The following CLSTN2 variants were observed in gnomAD, a reference collection of about 807,000 sequenced individuals.
CLSTN2 encodes calsyntenin 2.
CLSTN2 carries 48 observed loss-of-function variants against 101.2 expected under a neutral mutation model. The observed-to-expected ratio is 0.47, with a 90% CI of 0.38 to 0.60. The LOEUF (loss-of-function observed/expected upper bound fraction) is 0.60. CLSTN2 is among the 20% of genes least tolerant of loss of function. CLSTN2 has a pLI of 0.00. For synonymous variants in CLSTN2, 481 were observed against 463.6 expected (o/e 1.04, Z -0.48); for missense variants, 1,160 against 1,238.2 (o/e 0.94, Z 0.95).
intron 1 of CLSTN2, among the ~76,000 whole-genome samples, chr3:140,145,578 G>A (rs2009769488): frequency 6.6e-6 from 1 of 152,252 alleles, no homozygotes; most frequent in Admixed American, 6.5e-5. Context: ...GCAGACACTG[G>A]TGTGTGGTGG....
chr3:140,330,751 A>G (rs2087375467), intron 2 of CLSTN2, among the ~76,000 whole-genome samples: 1 of 152,190 alleles, frequency 6.6e-6, no homozygotes, highest in African/African-American at 2.4e-5. Context: ...GATTCTGTGA[A>G]AATAGCTGAG....
chr3:140,420,934 A>C (rs1317835901), intron 4 of CLSTN2, among the ~76,000 whole-genome samples, 191 bp from the exon 5 acceptor site: 2 of 152,224 alleles, frequency 1.3e-5, no homozygotes, highest in African/African-American at 4.8e-5. Flanking sequence ...GTGGGTTCCC[A>C]GGAATTTGCC....
chr3:140,064,108 C>T (rs1019496386), intron 1 of CLSTN2, among the ~76,000 whole-genome samples: 1 of 152,190 alleles, frequency 6.6e-6, no homozygotes, highest in Non-Finnish European at 1.5e-5. Flanking sequence ...GGGGAGCTGC[C>T]TCTCAGTCTG....
intron 10 of CLSTN2, among the ~76,000 whole-genome samples, chr3:140,552,762 GAA>G (rs994827173): frequency 1.3e-5 from 2 of 152,164 alleles, no homozygotes; most frequent in African/African-American, 2.4e-5. Flanking sequence ...TGATGCTGAG[GAA>G]AAGTCAGTAG....
chr3:140,399,583 A>G (rs183257110), intron 2 of CLSTN2, among the ~76,000 whole-genome samples: 61 of 152,338 alleles, frequency 4.0e-4, no homozygotes, highest in African/African-American at 1.5e-3. Flanking sequence ...TAGCTAGCAT[A>G]CAGAATACCA....
At chr3:140,465,018 T>C (rs1395516206) in intron 7 of CLSTN2, among the ~76,000 whole-genome samples, 1 of 152,182 alleles carries the variant, frequency 6.6e-6, no homozygotes, top group East Asian at 1.9e-4. Flanking sequence ...TTATGGAGCA[T>C]TTGTTCTGGG....
At chr3:140,434,891 T>A (rs989064758) in intron 5 of CLSTN2, among the ~76,000 whole-genome samples, 58 of 149,200 alleles carry the variant, frequency 3.9e-4, no homozygotes, top group African/African-American at 1.3e-3. Context: ...TATATTTTTG[T>A]ATCTTTTAAA....
chr3:140,240,289 T>TAC (rs1293760229), intron 2 of CLSTN2, among the ~76,000 whole-genome samples: 10 of 20,642 alleles, frequency 4.8e-4, no homozygotes, highest in South Asian at 4.7e-3. Context: ...TATACATATA[T>TAC]ACACATATAT....
chr3:140,341,135 T>C (rs535700873), intron 2 of CLSTN2, among the ~76,000 whole-genome samples: 1 of 152,370 alleles, frequency 6.6e-6, no homozygotes, highest in East Asian at 1.9e-4. Context: ...TTCCTTTTTA[T>C]TGCTGCATAT....
Position 140,187,348 on chromosome 3 carries a change from T to G in CLSTN2, c.232+11275T>G, listed in dbSNP as rs1029453789. Among the ~76,000 whole-genome samples the G allele has an allele frequency of 6.6e-5, 10 of 152,114 alleles. 1 individual carries two copies. Among genetic ancestry groups the G allele is most frequent in the African/African-American group, 9.7e-5 (4 of 41,420 alleles). ...CTCTGGATGCTTGTTACTATAATGCTGTCCTCACCAGCCCACCCTGATCCT... is the reference window on the plus strand; with the variant it reads ...CTCTGGATGCTTGTTACTATAATGCGGTCCTCACCAGCCCACCCTGATCCT... On this transcript the variant is annotated intron_variant, in intron 2 of 16. Coordinates refer to ENST00000458420, the MANE Select transcript of CLSTN2 (RefSeq NM_022131.3).
intron 2 of CLSTN2, among the ~76,000 whole-genome samples, chr3:140,338,459 G>C (rs577937781): frequency 1.3e-5 from 2 of 152,184 alleles, no homozygotes; most frequent in Non-Finnish European, 2.9e-5. Flanking sequence ...TCTACAGCCA[G>C]TGTTTTTAGC....
intron 2 of CLSTN2, among the ~76,000 whole-genome samples, chr3:140,276,492 A>G (rs1189016277): frequency 1.3e-5 from 2 of 152,150 alleles, no homozygotes; most frequent in African/African-American, 4.8e-5. Flanking sequence ...CTTTCTCTTG[A>G]GACTAGGAAT....
intron 9 of CLSTN2, among the ~76,000 whole-genome samples, chr3:140,543,537 T>C (rs1935527864): frequency 6.6e-6 from 1 of 152,216 alleles, no homozygotes; most frequent in African/African-American, 2.4e-5. Flanking sequence ...ACCATAAAGA[T>C]GGATGAGTGG....
At chr3:140,165,860 T>A (rs1213434833) in intron 1 of CLSTN2, among the ~76,000 whole-genome samples, 2 of 152,152 alleles carry the variant, frequency 1.3e-5, no homozygotes, top group Non-Finnish European at 2.9e-5. Flanking sequence ...ACTAGCACAA[T>A]TTTTCTTTTA....
In CLSTN2 at chr3:140,404,588, C is replaced by A; in HGVS notation, c.459C>A (p.Val153=). The change falls in exon 4 of 17, where the codon GTC becomes GTA. Residue 153 remains valine (V), a synonymous_variant. Transcript: ENST00000458420. ...TGGTCCATATACAGGTGAAGGATGTCAACGAGTTTGCTCCCACCTTCAAAG... is the reference window on the plus strand; with the variant it reads ...TGGTCCATATACAGGTGAAGGATGTAAACGAGTTTGCTCCCACCTTCAAAG... ...KAVVHIQVKD[V]NEFAPTFKEP... 6.2e-7 allele frequency: 1 copy of A among 1,614,164 alleles called. No homozygotes were observed. Among genetic ancestry groups the A allele is most frequent in the South Asian group, 1.1e-5 (1 of 91,070 alleles).
At chr3:140,396,226 T>A (rs986842868) in intron 2 of CLSTN2, among the ~76,000 whole-genome samples, 1 of 152,150 alleles carries the variant, frequency 6.6e-6, no homozygotes, top group African/African-American at 2.4e-5. Flanking sequence ...GTGGGAGCAG[T>A]GCTGGCCCTC....
At chr3:140,162,264 G>T (rs528110531) in intron 1 of CLSTN2, among the ~76,000 whole-genome samples, 57 of 152,274 alleles carry the variant, frequency 3.7e-4, no homozygotes, top group African/African-American at 1.3e-3. Context: ...GAGAACTTTT[G>T]TGCTGGGTTA....
At chr3:140,523,239 A>C (rs1286204644) in intron 8 of CLSTN2, among the ~76,000 whole-genome samples, 1 of 151,390 alleles carries the variant, frequency 6.6e-6, no homozygotes, top group Admixed American at 6.6e-5. Context: ...TTATTCTGGG[A>C]CCCGAATTCA....
chr3:140,498,304 G>A (rs1030486954), intron 8 of CLSTN2, among the ~76,000 whole-genome samples: 3 of 152,154 alleles, frequency 2.0e-5, no homozygotes, highest in African/African-American at 7.2e-5. Context: ...TGAGTGGCAG[G>A]GGCATGAATT....
Sources: allele counts gnomAD v4.1 joint callset (sites outside exome capture counted in the v4.1 genomes callset), GRCh38; gene constraint gnomAD v4.1.1; transcripts MANE v1.5; gene names NCBI Gene and HGNC (gene_info 2026-07-23, HGNC 2026-07-21).